Variants in RBFOX1 observed in about 807,000 individuals in gnomAD.
RBFOX1 encodes the protein RNA binding fox-1 homolog 1.
RBFOX1 carries 8 observed loss-of-function variants against 57.7 expected under a neutral mutation model. The observed-to-expected ratio is 0.14, with a 90% confidence interval of 0.08 to 0.25. The LOEUF (loss-of-function observed/expected upper bound fraction) is 0.25. Ranked by LOEUF, RBFOX1 falls within the 10% of genes least tolerant of loss-of-function variation. The pLI is 1.00. For synonymous variants in RBFOX1, 326 were observed against 222.4 expected (o/e 1.47, Z -4.15); for missense variants, 611 against 548.5 (o/e 1.11, Z -1.14).
At chr16:7,245,360 A>T (rs542446943) in intron 4 of RBFOX1, among the ~76,000 whole-genome samples, 1 of 152,056 alleles carries the variant, frequency 6.6e-6, no homozygotes, top group Non-Finnish European at 1.5e-5. Flanking sequence ...CATGTACAGG[A>T]TGTGCAGGTT....
chr16:5,699,873 G>A lies in RBFOX1; in HGVS notation c.318+100912G>A, dbSNP rs192567024. 3.0e-4 allele frequency among the ~76,000 whole-genome samples: 46 copies of A among 152,104 alleles called. 1 individual carries two copies. In the East Asian group the frequency reaches 3.9e-3, roughly 13 times the overall value. On this transcript the variant is annotated intron_variant, in intron 3 of 19. Transcript: ENST00000641259. ...TTTTAAGACGGAGTCTTGCTCTGTC[G>A]CCCAGGCTGGAGTGCAGTGGTGCGA...
At chr16:7,708,368 G>C (rs573657008) in intron 14 of RBFOX1, among the ~76,000 whole-genome samples, 2 of 152,146 alleles carry the variant, frequency 1.3e-5, no homozygotes, top group Non-Finnish European at 2.9e-5. Flanking sequence ...ATGGTAGAGA[G>C]AAAAACACAA....
At chr16:6,354,930 C>T (rs1481454869) in intron 2 of RBFOX1, among the ~76,000 whole-genome samples, 1 of 151,972 alleles carries the variant, frequency 6.6e-6, no homozygotes, top group Non-Finnish European at 1.5e-5. Flanking sequence ...ATAAGGAGAC[C>T]CAAGTGCTCT....
At chr16:5,307,631 C>G (rs1359204160) in intron 1 of RBFOX1, among the ~76,000 whole-genome samples, 1 of 152,160 alleles carries the variant, frequency 6.6e-6, no homozygotes, top group Non-Finnish European at 1.5e-5. Flanking sequence ...CACATGTGCA[C>G]ATACACACAT....
chr16:6,221,675 G>A (rs1343207238), intron 1 of RBFOX1, among the ~76,000 whole-genome samples: 1 of 152,158 alleles, frequency 6.6e-6, no homozygotes, highest in Non-Finnish European at 1.5e-5. Context: ...AGTTCCACGT[G>A]GCTGGGACAC....
At chr16:6,237,127 A>G (rs1303118414) in intron 1 of RBFOX1, among the ~76,000 whole-genome samples, 1 of 152,210 alleles carries the variant, frequency 6.6e-6, no homozygotes, top group Non-Finnish European at 1.5e-5. Context: ...GGTACTTACT[A>G]AAATCTTACT....
chr16:6,850,580 C>G (rs999859811), intron 3 of RBFOX1, among the ~76,000 whole-genome samples: 2 of 152,154 alleles, frequency 1.3e-5, no homozygotes, highest in African/African-American at 4.8e-5. Context: ...CCCTACTGGC[C>G]TTAACAAATT....
intron 1 of RBFOX1, among the ~76,000 whole-genome samples, chr16:5,362,447 C>G (rs2065579505): frequency 1.3e-5 from 2 of 152,244 alleles, no homozygotes; most frequent in Admixed American, 1.3e-4. Context: ...ACCGCAACCT[C>G]TGCCTCCTGG....
At chr16:6,139,629 C>T (rs773820368) in intron 1 of RBFOX1, among the ~76,000 whole-genome samples, 1 of 152,248 alleles carries the variant, frequency 6.6e-6, no homozygotes, top group East Asian at 1.9e-4. Flanking sequence ...ACCCATGTAA[C>T]TGCTTTCTCC....
intron 1 of RBFOX1, among the ~76,000 whole-genome samples, chr16:5,345,704 G>A (rs1362315103): frequency 6.6e-6 from 1 of 152,164 alleles, no homozygotes; most frequent in African/African-American, 2.4e-5. Flanking sequence ...CATGGGAGAA[G>A]CCATCTCTTT....
At chr16:5,913,393 TG>T (rs1329513956) in intron 4 of RBFOX1, among the ~76,000 whole-genome samples, 1 of 152,158 alleles carries the variant, frequency 6.6e-6, no homozygotes, top group African/African-American at 2.4e-5. Flanking sequence ...GTTTGGGTGA[TG>T]GGGGGCAGTT....
chr16:7,380,911 G>T (rs775767874), intron 4 of RBFOX1, among the ~76,000 whole-genome samples: 1 of 152,136 alleles, frequency 6.6e-6, no homozygotes, highest in African/African-American at 2.4e-5. Flanking sequence ...AATGTCCTCC[G>T]TAAAGTGTAA....
intron 3 of RBFOX1, among the ~76,000 whole-genome samples, chr16:7,033,123 G>A (rs1451641960): frequency 6.6e-6 from 1 of 152,178 alleles, no homozygotes; most frequent in Non-Finnish European, 1.5e-5. Flanking sequence ...AGACAGGGCA[G>A]GGAAGAAGGA....
intron 2 of RBFOX1, chr16:6,483,416 C>T: frequency 4.6e-6 from 7 of 1,535,106 alleles, no homozygotes; most frequent in Non-Finnish European, 6.1e-6. Flanking sequence ...ATTGCTAGCA[C>T]GTGGGTGCCG....
chr16:5,800,832 C>T (rs995314530), intron 3 of RBFOX1, among the ~76,000 whole-genome samples: 1 of 152,044 alleles, frequency 6.6e-6, no homozygotes, highest in Non-Finnish European at 1.5e-5. Flanking sequence ...CACAGACAAG[C>T]CTCTCTGTTT....
chr16:7,268,066 C>G (rs1004421038), intron 4 of RBFOX1, among the ~76,000 whole-genome samples: 1 of 152,146 alleles, frequency 6.6e-6, no homozygotes, highest in African/African-American at 2.4e-5. Flanking sequence ...CTTATTGCAT[C>G]TAGGCTACAA....
intron 3 of RBFOX1, among the ~76,000 whole-genome samples, chr16:5,716,788 C>T (rs1266321631): frequency 6.6e-6 from 1 of 152,304 alleles, no homozygotes; most frequent in South Asian, 2.1e-4. Flanking sequence ...CCATTGGAAA[C>T]TGGAGCTCAA....
At chr16:6,409,667 G>T (rs1442567506) in intron 2 of RBFOX1, among the ~76,000 whole-genome samples, 1 of 152,146 alleles carries the variant, frequency 6.6e-6, no homozygotes, top group Non-Finnish European at 1.5e-5. Flanking sequence ...GTCCCCAAAT[G>T]GCTGTTGTAG....
intron 3 of RBFOX1, among the ~76,000 whole-genome samples, chr16:6,879,181 T>C (rs967253108): frequency 6.6e-6 from 1 of 152,196 alleles, no homozygotes; most frequent in African/African-American, 2.4e-5. Flanking sequence ...ATCAGCCCTT[T>C]TAATAAGTTG....
Sources: allele counts gnomAD v4.1 joint callset (sites outside exome capture counted in the v4.1 genomes callset), GRCh38; gene constraint gnomAD v4.1.1; transcripts MANE v1.5; gene names NCBI Gene and HGNC (gene_info 2026-07-23, HGNC 2026-07-21).